ABLIM2: variants seen among roughly 807,000 people sequenced by gnomAD.
The protein encoded by ABLIM2 is actin-binding LIM protein 2.
ABLIM2 carries 53 observed loss-of-function variants against 97.7 expected under a neutral mutation model. The ratio of observed to expected loss-of-function variants is 0.54; its 90% CI spans 0.44 to 0.68. The LOEUF (loss-of-function observed/expected upper bound fraction) is 0.68, where lower values mean the gene tolerates loss of function less well. ABLIM2 is among the 30% of genes least tolerant of loss of function. The probability of loss-of-function intolerance (pLI) is 0.00; values close to 1 mark genes in which losing one functional copy is unlikely to be tolerated. For synonymous variants in ABLIM2, 361 were observed against 345.8 expected (o/e 1.04, Z -0.49); for missense variants, 835 against 867.2 (o/e 0.96, Z 0.47).
intron 15 of ABLIM2, 143 bp from the exon 16 acceptor site, chr4:8,008,343 G>T: frequency 2.6e-6 from 2 of 768,546 alleles, no homozygotes; most frequent in South Asian, 3.8e-5. Context: ...GAGAGATGCA[G>T]CTTTCAATAA....
intron 1 of ABLIM2, among the ~76,000 whole-genome samples, chr4:8,153,752 A>C (rs796457161): frequency 2.0e-5 from 3 of 152,182 alleles, no homozygotes; most frequent in Admixed American, 1.3e-4. Context: ...CTTTCAGTAC[A>C]AAAGAAAAGG....
chr4:8,059,906 CAAAAAAA>C (rs201148410), intron 7 of ABLIM2, among the ~76,000 whole-genome samples: 1 of 124,098 alleles, frequency 8.1e-6, no homozygotes. Context: ...GACTCTGTTT[CAAAAAAA>C]AAAAAAAAAA....
At chr4:8,086,584 A>G (rs947400042) in intron 4 of ABLIM2, among the ~76,000 whole-genome samples, 1 of 151,954 alleles carries the variant, frequency 6.6e-6, no homozygotes, top group African/African-American at 2.4e-5. Flanking sequence ...GCCTCAGGTG[A>G]TCCACCCGCC....
intron 1 of ABLIM2, among the ~76,000 whole-genome samples, chr4:8,121,956 G>A (rs940682473): frequency 3.9e-5 from 6 of 152,190 alleles, no homozygotes; most frequent in African/African-American, 1.4e-4. Context: ...GACCTGCCCA[G>A]ACCTCAAGCC....
At chr4:8,084,913 G>A (rs1202528819) in intron 4 of ABLIM2, among the ~76,000 whole-genome samples, 1 of 152,212 alleles carries the variant, frequency 6.6e-6, no homozygotes, top group African/African-American at 2.4e-5. Context: ...CACGGCGCTC[G>A]CACTCTGCGA....
rs766885876 is a variant in ABLIM2 at position 8,027,787 on chromosome 4, G to T, written c.1239C>A (p.Phe413Leu). Residue 413 changes from phenylalanine (F) to leucine (L), a missense_variant, in exon 12 of 21, where the codon TTC (phenylalanine) becomes TTA (leucine). Physicochemically the swap from Phe to Leu is conservative, Grantham distance 22. Coordinates refer to ENST00000447017, the MANE Select transcript of ABLIM2 (RefSeq NM_001130083.2). ...GGAAGTAGGGGATGTAATGATGTCT[G>T]AACACGGATGTAGGGCTTGGGTGTT... ...LSQHPSPTSV[F>L]RHHYIPYFRG... The T allele has an allele frequency of 1.6e-5, 25 of 1,598,564 alleles. No homozygotes were observed. Among genetic ancestry groups the T allele is most frequent in the Non-Finnish European group, 2.0e-5 (24 of 1,173,062 alleles).
rs945914570 is a variant in ABLIM2 at position 7,970,976 on chromosome 4, G to C, written c.1825-3873C>G. On this transcript the variant is annotated intron_variant, in intron 20 of 20. Coordinates refer to ENST00000447017, the MANE Select transcript of ABLIM2 (RefSeq NM_001130083.2). The surrounding 1 kb of genome is among the most constrained non-coding windows in gnomAD (Gnocchi z 5.3). Reference sequence around the variant, plus strand: ...GTCCTGTTTTCTGTCTGCAGCGTGAGAGAACTTGGTTGCCTGGGTATCCGG... The same window carrying C: ...GTCCTGTTTTCTGTCTGCAGCGTGACAGAACTTGGTTGCCTGGGTATCCGG... Among the ~76,000 whole-genome samples, 1 of 152,104 alleles carries C rather than the reference G, an allele frequency of 6.6e-6. No individual in the cohort carries two copies. The highest frequency in any genetic ancestry group is 2.4e-5 in the African/African-American group (1 of 41,418).
In ABLIM2 at chr4:8,071,548, C is replaced by T. The variant is rs940602095; in HGVS notation, c.675+6080G>A. On this transcript the variant is annotated intron_variant, in intron 6 of 20. Coordinates refer to ENST00000447017, the MANE Select transcript of ABLIM2 (RefSeq NM_001130083.2). This position sits in a 1 kb window ranked among gnomAD's most constrained non-coding sequence, Gnocchi z 6.2. ...CGCAGACACAGCACAGGCGAGGGCTCGGCTGGCAGTGGGAGCCTGGGATGC... is the reference window on the plus strand; with the variant it reads ...CGCAGACACAGCACAGGCGAGGGCTTGGCTGGCAGTGGGAGCCTGGGATGC... Among the ~76,000 whole-genome samples, 5 of 152,092 alleles carry T rather than the reference C, an allele frequency of 3.3e-5. No homozygotes were observed. Among genetic ancestry groups the T allele is most frequent in the Admixed American group, 3.3e-4 (5 of 15,274 alleles).
Position 7,984,828 on chromosome 4 carries a change from G to A in ABLIM2, c.1735+11C>T, listed in dbSNP as rs370592338. The A allele has an allele frequency of 6.7e-5, 107 of 1,591,674 alleles. No individual in the cohort carries two copies. The highest frequency in any genetic ancestry group is 7.8e-5 in the Non-Finnish European group (91 of 1,169,382). On this transcript the variant is annotated intron_variant, in intron 18 of 20. Coordinates refer to ENST00000447017, the MANE Select transcript of ABLIM2 (RefSeq NM_001130083.2). ...CCAGCCAGAGACCCACAGGGTCCCC[G>A]CTCTGTGTACCTCGCATGCCCCAGC...
Position 7,999,480 on chromosome 4 carries a change from C to T in ABLIM2, c.1619-6553G>A, listed in dbSNP as rs748622388. Among the ~76,000 whole-genome samples, 6 of 152,176 alleles carry T rather than the reference C, an allele frequency of 3.9e-5. No individual in the cohort carries two copies. Among genetic ancestry groups the T allele is most frequent in the Non-Finnish European group, 5.9e-5 (4 of 68,030 alleles). On this transcript the variant is annotated intron_variant, in intron 16 of 20. Transcript: ENST00000447017. This position sits in a 1 kb window ranked among gnomAD's most constrained non-coding sequence, Gnocchi z 4.4. Reference sequence around the variant, plus strand: ...GAAGCTGAGACCTAATGATATCAAGCGATCTGTTCAAGGTCAAACAGTTAC... The same window carrying T: ...GAAGCTGAGACCTAATGATATCAAGTGATCTGTTCAAGGTCAAACAGTTAC...
chr4:7,984,462 C>T (rs925859394), intron 18 of ABLIM2, among the ~76,000 whole-genome samples: 15 of 152,216 alleles, frequency 9.9e-5, no homozygotes, highest in African/African-American at 3.1e-4. Context: ...GGAGAGTTCA[C>T]GCGGCGTGCC....
chr4:8,134,736 C>T (rs767454892), intron 1 of ABLIM2, among the ~76,000 whole-genome samples: 8 of 152,192 alleles, frequency 5.3e-5, no homozygotes, highest in Admixed American at 4.6e-4. Context: ...GAGCTGGGCT[C>T]GGAGGGACCA....
chr4:8,145,759 C>T (rs1016965353), intron 1 of ABLIM2, among the ~76,000 whole-genome samples: 51 of 139,244 alleles, frequency 3.7e-4, no homozygotes, highest in African/African-American at 1.0e-3. Flanking sequence ...CACACACACA[C>T]ACACACACAC....
intron 17 of ABLIM2, among the ~76,000 whole-genome samples, chr4:7,992,000 TG>T (rs1749162739): frequency 6.6e-6 from 1 of 151,834 alleles, no homozygotes; most frequent in Non-Finnish European, 1.5e-5. Context: ...GGTTGAGAGG[TG>T]AATTGCCTCT....
At position 8,069,604 on chromosome 4, in the gene ABLIM2, TG is replaced by T. The variant is rs1480757155; in HGVS notation, c.675+8023del. Reference sequence around the variant, plus strand: ...CTCTGTGTTTTGCCTGGTGTCTGTGTGGATGTCTTTCCGTGTGTCTGTGTGT... The same window carrying T: ...CTCTGTGTTTTGCCTGGTGTCTGTGTGATGTCTTTCCGTGTGTCTGTGTGT... On this transcript the variant is annotated intron_variant, in intron 6 of 20. Transcript: ENST00000447017. This position sits in a 1 kb window ranked among gnomAD's most constrained non-coding sequence, Gnocchi z 4.2. Among the ~76,000 whole-genome samples, 3 of 152,038 alleles carry T rather than the reference TG, an allele frequency of 2.0e-5. No individual in the cohort carries two copies.
Position 8,061,149 on chromosome 4 carries a change from A to C in ABLIM2, c.676-95T>G. ...CATGGATACAGCATGCCCTGAGCAC[A>C]GGTACTCAGGGGATACTGGAAGGGC... On this transcript the variant is annotated intron_variant, in intron 6 of 20. Transcript: ENST00000447017. This position sits in a 1 kb window ranked among gnomAD's most constrained non-coding sequence, Gnocchi z 4.5. The C allele has an allele frequency of 1.0e-6, 1 of 996,322 alleles. No homozygotes were observed. The highest frequency in any genetic ancestry group is 1.5e-6 in the Non-Finnish European group (1 of 660,000). 61.7% of individuals were successfully genotyped at this position (996,322 alleles called of 1,614,324 possible).
intron 1 of ABLIM2, among the ~76,000 whole-genome samples, chr4:8,119,101 G>A (rs1253412947): frequency 6.6e-6 from 1 of 152,000 alleles, no homozygotes; most frequent in Non-Finnish European, 1.5e-5. Context: ...GCTGGGCCTG[G>A]GGAACAAGTG....
Position 8,032,720 on chromosome 4 carries a change from C to T in ABLIM2, c.1048-2944G>A, listed in dbSNP as rs766319035. On this transcript the variant is annotated intron_variant, in intron 10 of 20. Transcript: ENST00000447017. The surrounding 1 kb of genome is among the most constrained non-coding windows in gnomAD (Gnocchi z 4.3). ...CACAAAGTGGCCATTAGTGCTGGCG[C>T]CAGGCAGAGAGGGAGGAGGGCAGTT... 2 of 1,611,228 alleles carry T rather than the reference C, an allele frequency of 1.2e-6. No individual in the cohort carries two copies. The highest frequency in any genetic ancestry group is 1.1e-5 in the South Asian group (1 of 91,018).
Position 7,996,131 on chromosome 4 carries a change from C to T in ABLIM2, c.1619-3204G>A, listed in dbSNP as rs114643418. 6.7e-3 allele frequency among the ~76,000 whole-genome samples: 1,021 copies of T among 152,292 alleles called. 10 individuals are homozygous for T. Among genetic ancestry groups the T allele is most frequent in the African/African-American group, 0.024 (977 of 41,558 alleles). On this transcript the variant is annotated intron_variant, in intron 16 of 20. Transcript: ENST00000447017. The surrounding 1 kb of genome is among the most constrained non-coding windows in gnomAD (Gnocchi z 4.5). Reference sequence around the variant, plus strand: ...CAGCAAAGGTGCTAGAGGGGTGGTTCTCAAACTGGCATCCCCAGCTAGCAG... The same window carrying T: ...CAGCAAAGGTGCTAGAGGGGTGGTTTTCAAACTGGCATCCCCAGCTAGCAG...
Sources: gnomAD v4.1 joint callset for allele counts (sites outside exome capture counted in the v4.1 genomes callset) on GRCh38, gnomAD v4.1.1 for gene constraint, Gnocchi (gnomAD v3.1) non-coding constraint, MANE v1.5 for transcripts, NCBI Gene and HGNC (gene_info 2026-07-23, HGNC 2026-07-21) for gene names.